NCKAP5L: variants seen among roughly 807,000 people sequenced by gnomAD.
NCKAP5L encodes nck-associated protein 5-like.
NCKAP5L carries 54 observed loss-of-function variants against 103.2 expected under a neutral mutation model. The ratio of observed to expected loss-of-function variants is 0.52; its 90% CI spans 0.42 to 0.66. The LOEUF is 0.66. NCKAP5L is among the 30% of genes least tolerant of loss of function. The pLI is 0.00. For synonymous variants in NCKAP5L, 762 were observed against 748.6 expected, an observed-to-expected ratio of 1.02 and a Z score of -0.29; for missense variants, 1,733 against 1,750.6, an observed-to-expected ratio of 0.99 and a Z score of 0.18.
At chr12:49,824,233 C>T (rs1474846281) in intron 1 of NCKAP5L, among the ~76,000 whole-genome samples, 1 of 152,208 alleles carries the variant, frequency 6.6e-6, no homozygotes, top group Non-Finnish European at 1.5e-5. Flanking sequence ...TGACAGCTGC[C>T]TCAGGCACCT....
rs765043381 is a variant in NCKAP5L at position 49,793,412 on chromosome 12, G to A, written c.3280C>T (p.Arg1094Trp). ...CTGTCCTCCGAGGGCATCTCTTCCCGCCTCCCTGGCTCGCTGCTCGGCTGT... is the reference window on the plus strand; with the variant it reads ...CTGTCCTCCGAGGGCATCTCTTCCCACCTCCCTGGCTCGCTGCTCGGCTGT... ...PGKPSSEPGR[R>W]EEMPSEDSLA... is the part of the protein sequence containing the mutation. Residue 1094 changes from arginine (R) to tryptophan (W), a missense_variant, in exon 10 of 13, where the codon CGG (arginine) becomes TGG (tryptophan). By Grantham distance (101) the Arg-to-Trp change is moderately radical. Coordinates refer to ENST00000335999, the MANE Select transcript of NCKAP5L (RefSeq NM_001037806.4). The A allele has an allele frequency of 1.5e-5, 24 of 1,609,204 alleles. No individual in the cohort carries two copies. In the Admixed American group the frequency reaches 2.3e-4, roughly 16 times the overall value.
rs548007920 is a variant in NCKAP5L, at chr12:49,796,465, C to T, written c.1395G>A (p.Ser465=). The stretch of plus-strand genomic sequence containing the variant: ...GGCCTCCTGGGCTGGGGCTCTTCTC[C>T]GAGGTTGGAGGCAGCTTTAGAAACT... ...GLKFLKLPPT[S]EKSPSPGGPQ... Residue 465 remains serine, a synonymous_variant, in exon 8 of 13, where the codon TCG becomes TCA. Transcript: ENST00000335999. 1.8e-5 allele frequency: 28 copies of T among 1,532,378 alleles called. No individual in the cohort carries two copies. The highest frequency in any genetic ancestry group is 1.8e-4 in the South Asian group (14 of 78,324). 94.9% of individuals were successfully genotyped at this position (1,532,378 alleles called of 1,614,324 possible). A position where few individuals can be genotyped will look rare whatever the true frequency, so the allele number is the denominator to read the frequency against.
Position 49,794,971 on chromosome 12 carries a change from G to C in NCKAP5L, c.2889C>G (p.Ala963=). 1 of 1,588,784 alleles carries C rather than the reference G, an allele frequency of 6.3e-7. No individual in the cohort carries two copies. Among genetic ancestry groups the C allele is most frequent in the South Asian group, 1.1e-5 (1 of 88,142 alleles). Residue 963 remains alanine, a synonymous_variant, in exon 8 of 13, where the codon GCC becomes GCG. Coordinates refer to ENST00000335999, the MANE Select transcript of NCKAP5L (RefSeq NM_001037806.4). The part of the protein sequence containing the change: ...EVKMEARKLE[A]ESLNISKLMA... Reference sequence around the variant, plus strand: ...TCAGCTTGGAGATGTTGAGGCTCTCGGCCTCCAGCTTCCGGGCTTCCATCT... The same window carrying C: ...TCAGCTTGGAGATGTTGAGGCTCTCCGCCTCCAGCTTCCGGGCTTCCATCT...
In NCKAP5L at chr12:49,792,834, G is replaced by T; in HGVS notation, c.3493C>A (p.Pro1165Thr). The change falls in exon 11 of 13, where the codon CCC (proline) becomes ACC (threonine). Residue 1165 changes from proline to threonine, a missense_variant. By Grantham distance (38) the Pro-to-Thr change is conservative. Transcript: ENST00000335999. The surrounding 1 kb of genome is among the most constrained non-coding windows in gnomAD (Gnocchi z 4.5). ...GCGCGGCGGGGGACTTTGGTAAGGG[G>T]TGGGGGCCGAGCTGGGGGTACCCCA... ...PPGVPPARPP[P>T]LTKVPRRAHT... 2 of 1,575,242 alleles carry T rather than the reference G, an allele frequency of 1.3e-6. No individual in the cohort carries two copies. Among genetic ancestry groups the T allele is most frequent in the East Asian group, 2.2e-5 (1 of 44,592 alleles).
In NCKAP5L at chr12:49,791,985, G is replaced by C; in HGVS notation, c.3859C>G (p.Pro1287Ala). Residue 1287 changes from proline (P) to alanine (A), a missense_variant, in exon 13 of 13, where the codon CCT (proline) becomes GCT (alanine). Transcript: ENST00000335999. ...CTGGGGGTGCGGCTACCCCCGAAAG[G>C]TGGGCCCTGGGGCGTAGGGGACGGG... ...SRPSPTPQGP[P>A]FGGSRTPSTS... The C allele has an allele frequency of 6.2e-7, 1 of 1,607,090 alleles. No homozygotes were observed.
intron 1 of NCKAP5L, among the ~76,000 whole-genome samples, chr12:49,823,027 T>C (rs1344153911): frequency 6.6e-6 from 1 of 151,970 alleles, no homozygotes; most frequent in Non-Finnish European, 1.5e-5. Flanking sequence ...ATGTGGGGGC[T>C]CCAATCCAGG....
chr12:49,820,288 C>T (rs1946346313), intron 1 of NCKAP5L, among the ~76,000 whole-genome samples: 1 of 151,192 alleles, frequency 6.6e-6, no homozygotes, highest in South Asian at 2.1e-4. Context: ...TCCTAGTGCC[C>T]ATCCCCCAAA....
At chr12:49,820,926 C>T (rs1946354355) in intron 1 of NCKAP5L, among the ~76,000 whole-genome samples, 1 of 152,170 alleles carries the variant, frequency 6.6e-6, no homozygotes, top group Admixed American at 6.5e-5. Flanking sequence ...CAGTTTCCTT[C>T]CTGTAAAATG....
Position 49,792,326 on chromosome 12 carries a change from A to G in NCKAP5L, c.3792+120T>C. The G allele has an allele frequency of 6.5e-7, 1 of 1,541,126 alleles. No homozygotes were observed. The highest frequency in any genetic ancestry group is 8.7e-7 in the Non-Finnish European group (1 of 1,142,984). Reference sequence around the variant, plus strand: ...AGGGCATCCCAGGGGTCCTCCTCCCAGAGGGTGCAGCACTGAGACTGTGCG... The same window carrying G: ...AGGGCATCCCAGGGGTCCTCCTCCCGGAGGGTGCAGCACTGAGACTGTGCG... On this transcript the variant is annotated intron_variant, in intron 12 of 12. Coordinates refer to ENST00000335999, the MANE Select transcript of NCKAP5L (RefSeq NM_001037806.4). This position sits in a 1 kb window ranked among gnomAD's most constrained non-coding sequence, Gnocchi z 4.5.
At chr12:49,819,617 T>C (rs1169435249) in intron 1 of NCKAP5L, among the ~76,000 whole-genome samples, 6 of 151,918 alleles carry the variant, frequency 3.9e-5, no homozygotes, top group Non-Finnish European at 8.8e-5. Flanking sequence ...TTCTAAAAAG[T>C]TGAATGCATA....
In NCKAP5L at chr12:49,795,729, A is replaced by G. The variant is rs1592747982; in HGVS notation, c.2131T>C (p.Ser711Pro). The change falls in exon 8 of 13, where the codon TCC becomes CCC. Residue 711 changes from serine (S) to proline (P), a missense_variant. Coordinates refer to ENST00000335999, the MANE Select transcript of NCKAP5L (RefSeq NM_001037806.4). ...SGESAGDMVP[S>P]IHRPLEQLEA... The stretch of plus-strand genomic sequence containing the variant: ...AGCTGCTCCAGTGGCCTGTGGATGG[A>G]GGGCACCATGTCTCCAGCACTCTCC... 2 of 1,605,316 alleles carry G rather than the reference A, an allele frequency of 1.2e-6. No homozygotes were observed. The highest frequency in any genetic ancestry group is 3.4e-5 in the Admixed American group (2 of 58,912).
intron 1 of NCKAP5L, among the ~76,000 whole-genome samples, chr12:49,812,427 A>C (rs1946250812): frequency 6.6e-6 from 1 of 150,590 alleles, no homozygotes; most frequent in African/African-American, 2.5e-5. Flanking sequence ...CATGTTGCCC[A>C]GGCTGGAGTG....
chr12:49,797,013 C>T lies in NCKAP5L; in HGVS notation c.847G>A (p.Ala283Thr), dbSNP rs970689164. The T allele has an allele frequency of 6.3e-7, 1 of 1,581,618 alleles. No homozygotes were observed. The highest frequency in any genetic ancestry group is 8.6e-7 in the Non-Finnish European group (1 of 1,164,446). Reference protein sequence around the residue: ...PWGPSRGPPQAQGTSSGPNCA... With the variant: ...PWGPSRGPPQTQGTSSGPNCA... ...TTTGGGCCAGAGCTGGTGCCCTGGG[C>T]CTGAGGAGGTCCCCTGCTAGGACCC... Residue 283 changes from alanine (A) to threonine (T), a missense_variant, in exon 8 of 13, where the codon GCC becomes ACC. Transcript: ENST00000335999. The surrounding 1 kb of genome is among the most constrained non-coding windows in gnomAD (Gnocchi z 4.5).
intron 1 of NCKAP5L, among the ~76,000 whole-genome samples, chr12:49,827,948 C>A (rs1350125134): frequency 6.6e-6 from 1 of 152,218 alleles, no homozygotes; most frequent in Non-Finnish European, 1.5e-5. Context: ...CGGTGGGATG[C>A]GGGTTGGGTG....
Position 49,803,110 on chromosome 12 carries a change from C to T in NCKAP5L, c.179G>A (p.Arg60His), listed in dbSNP as rs184937545. The T allele has an allele frequency of 8.5e-5, 138 of 1,614,270 alleles. No individual in the cohort carries two copies. In the African/African-American group the frequency reaches 1.5e-3, roughly 17 times the overall value. ...AGACCCACAGACCTCGTCCAGACAG[C>T]GCTCATAAGTCTCCCGCTGGTTTTC... Reference protein sequence around the residue: ...ANENQRETYERCLDEVANHVV... With the variant: ...ANENQRETYEHCLDEVANHVV... Residue 60 changes from arginine to histidine, a missense_variant, in exon 4 of 13, where the codon CGC (arginine) becomes CAC (histidine). Physicochemically the swap from Arg to His is conservative, Grantham distance 29. Transcript: ENST00000335999.
At chr12:49,802,082 A>C (rs1946126332) in intron 5 of NCKAP5L, 115 bp from the exon 6 acceptor site, 1 of 1,279,376 alleles carries the variant, frequency 7.8e-7, no homozygotes, top group Admixed American at 2.2e-5. Flanking sequence ...CCTTCTGGGC[A>C]CACACTTCCG....
Position 49,792,441 on chromosome 12 carries a change from C to T in NCKAP5L, c.3792+5G>A. On this transcript the variant is annotated splice_donor_5th_base_variant and intron_variant, in intron 12 of 12. Coordinates refer to ENST00000335999, the MANE Select transcript of NCKAP5L (RefSeq NM_001037806.4). This position sits in a 1 kb window ranked among gnomAD's most constrained non-coding sequence, Gnocchi z 4.5. ...CCTTTCCCTTTCCTCTGCTGCAATT[C>T]TCACCATGGGGGTCCTGGGCAGCCC... 6.2e-6 allele frequency: 10 copies of T among 1,613,442 alleles called. No individual in the cohort carries two copies. The highest frequency in any genetic ancestry group is 8.5e-6 in the Non-Finnish European group (10 of 1,179,682).
At position 49,795,621 on chromosome 12, in the gene NCKAP5L, G is replaced by C; in HGVS notation, c.2239C>G (p.Pro747Ala). The C allele has an allele frequency of 6.2e-7, 1 of 1,604,340 alleles. No homozygotes were observed. Among genetic ancestry groups the C allele is most frequent in the Non-Finnish European group, 8.5e-7 (1 of 1,175,406 alleles). ...KQQEPGLMGD[P>A]GARVYSSHSM... ...TGAGAGGAGTAGACTCGGGCCCCGG[G>C]ATCCCCCATAAGTCCAGGTTCCTGC... Residue 747 changes from proline to alanine, a missense_variant, in exon 8 of 13, where the codon CCC becomes GCC. By Grantham distance (27) the Pro-to-Ala change is conservative. Coordinates refer to ENST00000335999, the MANE Select transcript of NCKAP5L (RefSeq NM_001037806.4).
In NCKAP5L at chr12:49,796,911, G is replaced by A. The variant is rs1246995920; in HGVS notation, c.949C>T (p.Leu317=). The change falls in exon 8 of 13, where the codon CTG becomes TTG. Residue 317 remains leucine, a synonymous_variant. Coordinates refer to ENST00000335999, the MANE Select transcript of NCKAP5L (RefSeq NM_001037806.4). ...DPNEAPSPDT[L]LGALARRQLN... is the part of the protein sequence containing the mutation. ...TGTCTGCGGGCCAGGGCACCGAGCA[G>A]GGTGTCGGGGCTGGGTGCCTCATTG... is the stretch of plus-strand genomic sequence containing the variant. 2 of 1,609,710 alleles carry A rather than the reference G, an allele frequency of 1.2e-6. No homozygotes were observed. The highest frequency in any genetic ancestry group is 1.7e-6 in the Non-Finnish European group (2 of 1,178,464).
Sources: allele counts gnomAD v4.1 joint callset (sites outside exome capture counted in the v4.1 genomes callset), GRCh38; gene constraint gnomAD v4.1.1; non-coding constraint Gnocchi (gnomAD v3.1); transcripts MANE v1.5; gene names NCBI Gene and HGNC (gene_info 2026-07-23, HGNC 2026-07-21).